Variants in TARS1 observed in about 807,000 individuals in gnomAD.
TARS1 encodes the protein threonyl-tRNA synthetase 1.
Under a neutral mutation model 97.7 loss-of-function variants are expected in TARS1, and 57 were observed. That is an observed-to-expected ratio of 0.58 (90% CI 0.47 to 0.73). TARS1 has a LOEUF of 0.73. Ranked by LOEUF, TARS1 falls within the 30% of genes least tolerant of loss-of-function variation. The pLI, the probability that TARS1 is intolerant of heterozygous loss-of-function variation, is 0.00. For synonymous variants in TARS1, 312 were observed against 293.7 expected, an observed-to-expected ratio of 1.06 and a Z score of -0.64; for missense variants, 806 against 888.3, an observed-to-expected ratio of 0.91 and a Z score of 1.18.
At chr5:33,450,198 A>G (rs572043147) in intron 3 of TARS1, among the ~76,000 whole-genome samples, 1 of 152,204 alleles carries the variant, frequency 6.6e-6, no homozygotes, top group Non-Finnish European at 1.5e-5. Flanking sequence ...TTATTTTATA[A>G]TTATATATTT....
chr5:33,453,327 A>G lies in TARS1; in HGVS notation c.368A>G (p.Asn123Ser). 1 of 1,609,780 alleles carries G rather than the reference A, an allele frequency of 6.2e-7. No individual in the cohort carries two copies. The highest frequency in any genetic ancestry group is 8.5e-7 in the Non-Finnish European group (1 of 1,179,040). The change falls in exon 4 of 19, where the codon AAT becomes AGT. Residue 123 changes from asparagine (N) to serine (S), a missense_variant. Transcript: ENST00000265112. ...LADNTVIAKV[N>S]NVVWDLDRPL... The stretch of plus-strand genomic sequence containing the variant: ...GACAACACCGTTATTGCTAAAGTAA[A>G]TAATGTTGTGTGGGACCTGGACCGC...
chr5:33,450,889 C>G (rs1741699369), intron 3 of TARS1, among the ~76,000 whole-genome samples: 1 of 152,176 alleles, frequency 6.6e-6, no homozygotes, highest in Non-Finnish European at 1.5e-5. Flanking sequence ...CCAAGGCAGG[C>G]AGATCACCTG....
chr5:33,461,334 GA>G, intron 13 of TARS1, 39 bp downstream of exon 13: 1 of 1,593,212 alleles, frequency 6.3e-7, no homozygotes, highest in South Asian at 1.1e-5. Flanking sequence ...AATACTGTTT[GA>G]AATTGGCTTG....
chr5:33,456,960 G>A (rs895272200), intron 8 of TARS1, among the ~76,000 whole-genome samples: 16 of 152,102 alleles, frequency 1.1e-4, no homozygotes, highest in African/African-American at 3.9e-4. Flanking sequence ...CCATGCCTGG[G>A]TAATTTTCTT....
At position 33,462,329 on chromosome 5, in the gene TARS1, A is replaced by T. The variant is rs183188680; in HGVS notation, c.1835+126A>T. 2,667 of 817,576 alleles carry T rather than the reference A, an allele frequency of 3.3e-3. 9 individuals are homozygous for T. Among genetic ancestry groups the T allele is most frequent in the Non-Finnish European group, 4.4e-3 (2,268 of 511,834 alleles). 50.6% of individuals were successfully genotyped at this position (817,576 alleles called of 1,614,324 possible). Reference sequence around the variant, plus strand: ...CAATCGGTTGCTTCTAACTAACGACAAGTGTTCATTAAAAAATAAGGAATC... The same window carrying T: ...CAATCGGTTGCTTCTAACTAACGACTAGTGTTCATTAAAAAATAAGGAATC... On this transcript the variant is annotated intron_variant, in intron 16 of 18. Coordinates refer to ENST00000265112, the MANE Select transcript of TARS1 (RefSeq NM_152295.5).
chr5:33,457,852 A>G (rs1742104422), intron 9 of TARS1, among the ~76,000 whole-genome samples: 1 of 152,220 alleles, frequency 6.6e-6, no homozygotes, highest in African/African-American at 2.4e-5. Context: ...TTACTGCTGA[A>G]TGTCCTCTAA....
chr5:33,455,156 A>C, intron 5 of TARS1, 90 bp downstream of exon 5: 3 of 1,496,772 alleles, frequency 2.0e-6, no homozygotes, highest in Non-Finnish European at 1.8e-6. Flanking sequence ...GAGGAATGAT[A>C]TAGATCTCAC....
intron 3 of TARS1, 55 bp downstream of exon 3, chr5:33,448,786 T>A: frequency 7.8e-7 from 1 of 1,279,816 alleles, no homozygotes; most frequent in Non-Finnish European, 1.1e-6. Flanking sequence ...CTAAACTTCC[T>A]TTTATTATCT....
chr5:33,465,718 G>A (rs539869358), intron 17 of TARS1, among the ~76,000 whole-genome samples: 84 of 152,280 alleles, frequency 5.5e-4, no homozygotes, highest in African/African-American at 1.9e-3. Context: ...CACTTAGATT[G>A]TTTCAAAAAG....
chr5:33,453,790 C>G (rs1046735111), intron 4 of TARS1, among the ~76,000 whole-genome samples: 2 of 151,320 alleles, frequency 1.3e-5, no homozygotes, highest in African/African-American at 4.9e-5. Flanking sequence ...TGCGCTCTTG[C>G]CTCAGTACAA....
In TARS1 at chr5:33,441,042, C is replaced by T; in HGVS notation, c.-45C>T. 2.5e-6 allele frequency: 4 copies of T among 1,613,806 alleles called. No individual in the cohort carries two copies. Among genetic ancestry groups the T allele is most frequent in the African/African-American group, 1.3e-5 (1 of 75,066 alleles). On this transcript the variant is annotated 5_prime_UTR_variant, in exon 1 of 19. Transcript: ENST00000265112. ...CCACCCGCCTCTTGGCTCCTCTCCT[C>T]TAGGCCGTCGCTTTCGGGTTCTCTC...
In TARS1 at chr5:33,462,110, A is replaced by G. The variant is rs1353117372; in HGVS notation, c.1742A>G (p.Asp581Gly). Residue 581 changes from aspartate to glycine, a missense_variant, in exon 16 of 19, where the codon GAT (aspartate) becomes GGT (glycine). Physicochemically the swap from Asp to Gly is moderately conservative, Grantham distance 94 (BLOSUM62 -1). Around this residue, in one of 3 missense-constraint regions of TARS1, gnomAD observed 446 missense variants for 511.0 expected, o/e 0.87. Transcript: ENST00000265112. ...FNLTYVSHDG[D>G]DKKRPVIVHR... ...TTTTTTCTTTATAGCCATGATGGTGATGATAAGAAAAGGCCAGTGATTGTT... is the reference window on the plus strand; with the variant it reads ...TTTTTTCTTTATAGCCATGATGGTGGTGATAAGAAAAGGCCAGTGATTGTT... 1 of 1,612,084 alleles carries G rather than the reference A, an allele frequency of 6.2e-7. No individual in the cohort carries two copies. Among genetic ancestry groups the G allele is most frequent in the South Asian group, 1.1e-5 (1 of 90,430 alleles).
intron 8 of TARS1, 148 bp from the exon 9 acceptor site, chr5:33,457,109 G>A (rs1302653649): frequency 1.2e-6 from 1 of 836,980 alleles, no homozygotes; most frequent in Non-Finnish European, 1.8e-6. Flanking sequence ...GCAGATTGAG[G>A]GAGGGGCATT....
At chr5:33,446,741 G>A in intron 2 of TARS1, 1 of 1,289,222 alleles carries the variant, frequency 7.8e-7, no homozygotes, top group East Asian at 5.5e-5. Flanking sequence ...ATAAACTGCA[G>A]TTAAGATACA....
intron 6 of TARS1, 100 bp from the exon 7 acceptor site, chr5:33,455,902 A>G: frequency 9.3e-7 from 1 of 1,078,412 alleles, no homozygotes; most frequent in Non-Finnish European, 1.3e-6. Context: ...AACATGAAGT[A>G]TCAACATTTA....
chr5:33,443,355 C>CTG (rs1373519400), intron 1 of TARS1, among the ~76,000 whole-genome samples: 197 of 146,848 alleles, frequency 1.3e-3, no homozygotes, highest in African/African-American at 4.8e-3. Flanking sequence ...CTCTCTCTCT[C>CTG]TCTCTCACTA....
chr5:33,454,888 T>C lies in TARS1; in HGVS notation c.454-57T>C, dbSNP rs1027144708. 2.5e-6 allele frequency: 4 copies of C among 1,581,220 alleles called. No homozygotes were observed. The African/African-American group carries it at 5.4e-5, about 22-fold the overall frequency. On this transcript the variant is annotated intron_variant, in intron 4 of 18. Transcript: ENST00000265112. Reference sequence around the variant, plus strand: ...ATCTGTCTCTTTCAGACAACCACATTAATTGGCAACTTGTATGCCAAGACT... The same window carrying C: ...ATCTGTCTCTTTCAGACAACCACATCAATTGGCAACTTGTATGCCAAGACT...
At position 33,460,922 on chromosome 5, in the gene TARS1, C is replaced by G. The variant is rs145335131; in HGVS notation, c.1271C>G (p.Pro424Arg). 5.0e-5 allele frequency: 81 copies of G among 1,614,120 alleles called. No homozygotes were observed. The African/African-American group carries it at 9.5e-4, about 19-fold the overall frequency. Residue 424 changes from proline to arginine, a missense_variant, in exon 12 of 19, where the codon CCA (proline) becomes CGA (arginine). Pro to Arg is a moderately radical substitution (Grantham distance 103). Transcript: ENST00000265112. ...TTCAGCCTTATGTTTGATCATCGGC[C>G]AAGGTCCTGGCGAGAACTGCCTCTG... The part of the protein sequence containing the change: ...PGHCLMFDHR[P>R]RSWRELPLRL...
chr5:33,464,475 TTTAAAGCATTG>T (rs1742440855), intron 17 of TARS1, among the ~76,000 whole-genome samples: 1 of 152,238 alleles, frequency 6.6e-6, no homozygotes, highest in South Asian at 2.1e-4. Context: ...ATAACTTCAC[TTTAAAGCATTG>T]TTCTGCCATA....
Sources: allele counts gnomAD v4.1 joint callset (sites outside exome capture counted in the v4.1 genomes callset), GRCh38; gene constraint gnomAD v4.1.1; regional missense constraint gnomAD v4.1.1; transcripts MANE v1.5; gene names NCBI Gene and HGNC (gene_info 2026-07-23, HGNC 2026-07-21).